FGD5: variants seen among roughly 807,000 people sequenced by gnomAD.
FGD5 encodes the protein FYVE, RhoGEF and PH domain-containing protein 5.
Under a neutral mutation model 133.4 loss-of-function variants are expected in FGD5, and 28 were observed. The observed-to-expected ratio is 0.21, with a 90% CI of 0.16 to 0.29. The LOEUF (loss-of-function observed/expected upper bound fraction) is 0.29. Among genes scored for constraint, FGD5 ranks in the 10% least tolerant of loss-of-function variants. The pLI is 1.00. For missense variants in FGD5, 1,858 were observed against 1,895.2 expected, an observed-to-expected ratio of 0.98 and a Z score of 0.36; for synonymous variants, 810 against 776.5, an observed-to-expected ratio of 1.04 and a Z score of -0.72.
At chr3:14,916,308 G>T (rs188086009) in intron 11 of FGD5, among the ~76,000 whole-genome samples, 1 of 152,200 alleles carries the variant, frequency 6.6e-6, no homozygotes, top group African/African-American at 2.4e-5. Flanking sequence ...AACCCTGAGC[G>T]TGATGTCATC....
intron 17 of FGD5, 50 bp downstream of exon 17, chr3:14,924,188 C>T (rs542185737): frequency 6.2e-7 from 1 of 1,612,910 alleles, no homozygotes; most frequent in South Asian, 1.1e-5. Flanking sequence ...TTGGAAGGTT[C>T]ATGGTCATCC....
At chr3:14,841,561 CTT>C (rs34268022) in intron 1 of FGD5, among the ~76,000 whole-genome samples, 10 of 140,930 alleles carry the variant, frequency 7.1e-5, no homozygotes, top group Admixed American at 6.3e-4. Flanking sequence ...AAGGATCAGG[CTT>C]TTTTTTTTTT....
At chr3:14,878,653 C>T (rs546788478) in intron 2 of FGD5, among the ~76,000 whole-genome samples, 6 of 151,908 alleles carry the variant, frequency 3.9e-5, no homozygotes, top group African/African-American at 1.2e-4. Flanking sequence ...AAAATTGAGG[C>T]ACAGAGAGCT....
In FGD5 at chr3:14,820,558, C is replaced by T; in HGVS notation, c.1487C>T (p.Thr496Ile). 6.2e-7 allele frequency: 1 copy of T among 1,612,884 alleles called. No homozygotes were observed. The highest frequency in any genetic ancestry group is 8.5e-7 in the Non-Finnish European group (1 of 1,179,266). Residue 496 changes from threonine (T) to isoleucine (I), a missense_variant, in exon 1 of 20, where the codon ACC becomes ATC. Around this residue, in one of 3 missense-constraint regions of FGD5, gnomAD observed 1,824 missense variants for 1,848.9 expected, o/e 0.99. Transcript: ENST00000285046. ...SGKVAGYVPE[T>I]VPEETGPEAG... Reference sequence around the variant, plus strand: ...AAGGTGGCCGGCTATGTCCCAGAAACCGTCCCTGAAGAAACCGGACCTGAG... The same window carrying T: ...AAGGTGGCCGGCTATGTCCCAGAAATCGTCCCTGAAGAAACCGGACCTGAG...
intron 4 of FGD5, among the ~76,000 whole-genome samples, chr3:14,896,484 T>A (rs6775525): frequency 0.72 from 108,394 of 151,208 alleles, 38,949 homozygotes; most frequent in African/African-American, 0.76. Flanking sequence ...TTTTTTTTTT[T>A]TTTGAGACGG....
Position 14,922,455 on chromosome 3 carries a change from C to A in FGD5, c.3714C>A (p.Thr1238=). Residue 1238 remains threonine, a synonymous_variant, in exon 15 of 20, where the codon ACC becomes ACA. Transcript: ENST00000285046. This position sits in a 1 kb window ranked among gnomAD's most constrained non-coding sequence, Gnocchi z 4.1. ...LGVSLGERPP[T]LVPVTHVMMC... ...TTAGCCTTGGGGAGAGGCCCCCCAC[C>A]CTGGTGCCTGTCACACACGTCATGA... The A allele has an allele frequency of 6.4e-7, 1 of 1,572,420 alleles. No individual in the cohort carries two copies. Among genetic ancestry groups the A allele is most frequent in the African/African-American group, 1.4e-5 (1 of 73,996 alleles).
At chr3:14,904,953 CTTTA>C (rs1379848118) in intron 9 of FGD5, among the ~76,000 whole-genome samples, 1 of 152,004 alleles carries the variant, frequency 6.6e-6, no homozygotes, top group Non-Finnish European at 1.5e-5. Flanking sequence ...CATGGCTGGC[CTTTA>C]TTTATTTTTA....
rs1190192680 is a variant in FGD5, at chr3:14,821,962, T to TG, written c.2525+368dup. On this transcript the variant is annotated intron_variant, in intron 1 of 19. Coordinates refer to ENST00000285046, the MANE Select transcript of FGD5 (RefSeq NM_152536.4). ...TAAAAATACAAAAATTAGCTGGGCA[T>TG]GGTGGCATGCACCTGTAATCCCAGC... 1.2e-4 allele frequency among the ~76,000 whole-genome samples: 19 copies of TG among 152,250 alleles called. 1 individual carries two copies. In the South Asian group the frequency reaches 4.0e-3, roughly 32 times the overall value.
chr3:14,871,784 C>A (rs763447837), intron 2 of FGD5, among the ~76,000 whole-genome samples: 1 of 152,156 alleles, frequency 6.6e-6, no homozygotes, highest in Non-Finnish European at 1.5e-5. Context: ...GCTGAGTTTC[C>A]TCAGTCAAAA....
At chr3:14,873,538 G>A in intron 2 of FGD5, among the ~76,000 whole-genome samples, 1 of 152,100 alleles carries the variant, frequency 6.6e-6, no homozygotes. Context: ...AGAATTAAGT[G>A]CGATGGGGAG....
Position 14,922,508 on chromosome 3 carries a change from C to G in FGD5, c.3767C>G (p.Ser1256Cys), listed in dbSNP as rs1413190897. 6.3e-7 allele frequency: 1 copy of G among 1,582,778 alleles called. No homozygotes were observed. Among genetic ancestry groups the G allele is most frequent in the African/African-American group, 1.3e-5 (1 of 74,274 alleles). ...TGCATGAACTGCGGCTGCGACTTCTCCCTCACCCTGCGGCGTCATCACTGT... is the reference window on the plus strand; with the variant it reads ...TGCATGAACTGCGGCTGCGACTTCTGCCTCACCCTGCGGCGTCATCACTGT... Reference protein sequence around the residue: ...MMCMNCGCDFSLTLRRHHCHA... With the variant: ...MMCMNCGCDFCLTLRRHHCHA... Residue 1256 changes from serine (S) to cysteine (C), a missense_variant, in exon 15 of 20, where the codon TCC (serine) becomes TGC (cysteine). Physicochemically the swap from Ser to Cys is moderately radical, Grantham distance 112. Around this residue, in one of 3 missense-constraint regions of FGD5, gnomAD observed 1,824 missense variants for 1,848.9 expected, o/e 0.99. Transcript: ENST00000285046. This position sits in a 1 kb window ranked among gnomAD's most constrained non-coding sequence, Gnocchi z 4.1.
At chr3:14,863,843 C>T (rs975660874) in intron 1 of FGD5, among the ~76,000 whole-genome samples, 4 of 152,198 alleles carry the variant, frequency 2.6e-5, no homozygotes, top group African/African-American at 9.6e-5. Context: ...ATCTTCTGCC[C>T]GCATCCTGAG....
intron 9 of FGD5, among the ~76,000 whole-genome samples, chr3:14,902,066 G>C (rs1485942373): frequency 2.0e-5 from 3 of 152,050 alleles, no homozygotes; most frequent in African/African-American, 7.2e-5. Context: ...TGGATCACTT[G>C]AGGTCAGGAG....
upstream of FGD5, among the ~76,000 whole-genome samples, chr3:14,818,087 T>A (rs1461715309): frequency 6.6e-6 from 1 of 152,162 alleles, no homozygotes; most frequent in Non-Finnish European, 1.5e-5. Context: ...AGCCCATGCT[T>A]CTCTAATTCC....
chr3:14,928,291 C>T (rs1385648504), intron 18 of FGD5, among the ~76,000 whole-genome samples: 2 of 152,018 alleles, frequency 1.3e-5, no homozygotes, highest in African/African-American at 2.4e-5. Flanking sequence ...AGGCTGTTCT[C>T]GAACTGCTGG....
At chr3:14,841,165 G>A (rs1439817374) in intron 1 of FGD5, among the ~76,000 whole-genome samples, 1 of 152,208 alleles carries the variant, frequency 6.6e-6, no homozygotes, top group African/African-American at 2.4e-5. Flanking sequence ...GGCAGGGTCA[G>A]AAAGGTGCTG....
chr3:14,919,722 T>A (rs1414171425), intron 13 of FGD5, among the ~76,000 whole-genome samples: 1 of 152,230 alleles, frequency 6.6e-6, no homozygotes, highest in East Asian at 1.9e-4. Context: ...GTCAAGGCAC[T>A]GACTGATTCG....
rs1156988739 is a variant in FGD5 at position 14,877,234 on chromosome 3, C to T, written c.2659-3338C>T. Among the ~76,000 whole-genome samples the T allele has an allele frequency of 3.9e-5, 6 of 152,380 alleles. No homozygotes were observed. The East Asian group carries it at 5.8e-4, about 15-fold the overall frequency. On this transcript the variant is annotated intron_variant, in intron 2 of 19. Transcript: ENST00000285046. ...ACGCCCAGAAGCAGTTTCTGCGTGC[C>T]TCGGGCACACAGCCTGCCAGGCCTC...
chr3:14,842,656 A>T (rs992350802), intron 1 of FGD5, among the ~76,000 whole-genome samples: 4 of 151,936 alleles, frequency 2.6e-5, no homozygotes, highest in Non-Finnish European at 4.4e-5. Context: ...TGTTGTCTGG[A>T]TTTTCCCAGC....
Sources: gnomAD v4.1 joint callset for allele counts (sites outside exome capture counted in the v4.1 genomes callset) on GRCh38, gnomAD v4.1.1 for gene constraint, gnomAD v4.1.1 regional missense constraint, Gnocchi (gnomAD v3.1) non-coding constraint, MANE v1.5 for transcripts, NCBI Gene and HGNC (gene_info 2026-07-23, HGNC 2026-07-21) for gene names.